TRPC7: variants seen among roughly 807,000 people sequenced by gnomAD.
TRPC7 encodes the protein short transient receptor potential channel 7.
TRPC7 carries 42 observed loss-of-function variants against 90.1 expected under a neutral mutation model. The observed-to-expected ratio is 0.47, with a 90% CI of 0.36 to 0.60. The LOEUF (loss-of-function observed/expected upper bound fraction) is 0.60, where lower values mean the gene tolerates loss of function less well. Among genes scored for constraint, TRPC7 ranks in the 20% least tolerant of loss-of-function variants. The pLI is 0.00. For synonymous variants in TRPC7, 451 were observed against 436.3 expected (o/e 1.03, Z -0.42); for missense variants, 955 against 1,112.3 (o/e 0.86, Z 2.01).
intron 4 of TRPC7, among the ~76,000 whole-genome samples, chr5:136,266,782 T>C (rs1757046954): frequency 6.6e-6 from 1 of 152,212 alleles, no homozygotes; most frequent in Non-Finnish European, 1.5e-5. Context: ...TTTTAAAAAA[T>C]GCACTTTGAG....
chr5:136,308,048 C>A (rs1252340920), intron 3 of TRPC7, among the ~76,000 whole-genome samples: 2 of 152,192 alleles, frequency 1.3e-5, no homozygotes, highest in African/African-American at 4.8e-5. Flanking sequence ...CACAGTCGGG[C>A]TCCTGGACAC....
chr5:136,305,653 C>A (rs909220273), intron 3 of TRPC7, among the ~76,000 whole-genome samples: 11 of 152,182 alleles, frequency 7.2e-5, no homozygotes, highest in Admixed American at 1.3e-4. Flanking sequence ...GCAGTCATTT[C>A]TTCCCTTCTG....
intron 7 of TRPC7, among the ~76,000 whole-genome samples, chr5:136,237,494 T>C (rs1031361349): frequency 3.3e-5 from 5 of 152,190 alleles, no homozygotes; most frequent in African/African-American, 9.7e-5. Context: ...CCCTAATGCA[T>C]GTTTTGACTT....
chr5:136,230,704 A>G (rs115165049), intron 8 of TRPC7, among the ~76,000 whole-genome samples: 2,181 of 152,222 alleles, frequency 0.014, 42 homozygotes, highest in African/African-American at 0.043. Context: ...TGCCTTTTAG[A>G]TTTTGATAAA....
chr5:136,267,999 T>A (rs1757090568), intron 4 of TRPC7, among the ~76,000 whole-genome samples: 1 of 152,228 alleles, frequency 6.6e-6, no homozygotes, highest in Non-Finnish European at 1.5e-5. Flanking sequence ...TGCAGTGGCA[T>A]TCTATAGGGC....
At chr5:136,237,560 G>A (rs1384505890) in intron 7 of TRPC7, among the ~76,000 whole-genome samples, 1 of 152,198 alleles carries the variant, frequency 6.6e-6, no homozygotes, top group Non-Finnish European at 1.5e-5. Flanking sequence ...CAATCGAGGT[G>A]CAAGTTCTGA....
chr5:136,244,008 A>G (rs1209724672), intron 7 of TRPC7, among the ~76,000 whole-genome samples: 3 of 151,626 alleles, frequency 2.0e-5, no homozygotes, highest in Non-Finnish European at 4.4e-5. Context: ...ACTCTTCCTA[A>G]TCCCAAAGAC....
chr5:136,357,741 A>G (rs984164230), intron 1 of TRPC7, among the ~76,000 whole-genome samples: 1 of 152,172 alleles, frequency 6.6e-6, no homozygotes, highest in African/African-American at 2.4e-5. Flanking sequence ...TTCCGTTTAT[A>G]TAAAGTCGAG....
In TRPC7 at chr5:136,307,734, C is replaced by T. The variant is rs574841418; in HGVS notation, c.963+7863G>A. On this transcript the variant is annotated intron_variant, in intron 3 of 11. Transcript: ENST00000513104. Reference sequence around the variant, plus strand: ...ATGCTGCTAAACAGCCTATAATGCACGGGGGAGTCCTCACAGCAAGGAACT... The same window carrying T: ...ATGCTGCTAAACAGCCTATAATGCATGGGGGAGTCCTCACAGCAAGGAACT... 1.1e-4 allele frequency among the ~76,000 whole-genome samples: 17 copies of T among 152,194 alleles called. No homozygotes were observed. In the South Asian group the frequency reaches 1.7e-3, roughly 15 times the overall value.
At position 136,357,074 on chromosome 5, in the gene TRPC7, C is replaced by T. The variant is rs752304356; in HGVS notation, c.314G>A (p.Arg105Gln). Residue 105 changes from arginine to glutamine, a missense_variant, in exon 2 of 12, where the codon CGG becomes CAG. Arg to Gln is a conservative substitution (Grantham distance 43). This residue lies in a region of TRPC7 where 161 missense variants were observed against 145.7 expected (regional missense o/e 1.10). Coordinates refer to ENST00000513104, the MANE Select transcript of TRPC7 (RefSeq NM_020389.3). Reference sequence around the variant, plus strand: ...GGCCAGCAGCAGCGCGTCCCCCACCCGTGCCAGGTTCTCCTTCTTCAGCAG... The same window carrying T: ...GGCCAGCAGCAGCGCGTCCCCCACCTGTGCCAGGTTCTCCTTCTTCAGCAG... ...ELLLKKENLA[R>Q]VGDALLLAIS... 2.5e-6 allele frequency: 4 copies of T among 1,613,802 alleles called. No homozygotes were observed. The highest frequency in any genetic ancestry group is 1.7e-5 in the Admixed American group (1 of 60,010).
At chr5:136,335,600 C>T (rs956790885) in intron 2 of TRPC7, among the ~76,000 whole-genome samples, 5 of 151,860 alleles carry the variant, frequency 3.3e-5, no homozygotes, top group African/African-American at 1.2e-4. Flanking sequence ...ACCATCATTC[C>T]CTTCATTAAA....
intron 3 of TRPC7, among the ~76,000 whole-genome samples, chr5:136,287,423 G>A (rs1251229469): frequency 1.3e-5 from 2 of 151,860 alleles, no homozygotes; most frequent in East Asian, 1.9e-4. Context: ...AATGTCTTCC[G>A]TGGGGTGGCA....
intron 3 of TRPC7, among the ~76,000 whole-genome samples, chr5:136,303,057 G>A (rs1315248075): frequency 2.0e-5 from 3 of 152,008 alleles, no homozygotes; most frequent in Admixed American, 6.6e-5. Flanking sequence ...CCTCACACCC[G>A]GTCTGGCTTA....
rs1759239963 is a variant in TRPC7 at position 136,322,878 on chromosome 5, C to CT, written c.781-7100dup. ...TCTTTATATATTCAGGATACAATTC[C>CT]TTTTTAAGAGATAGGATTTGTAAAT... is the stretch of plus-strand genomic sequence containing the variant. On this transcript the variant is annotated intron_variant, in intron 2 of 11. Coordinates refer to ENST00000513104, the MANE Select transcript of TRPC7 (RefSeq NM_020389.3). Among the ~76,000 whole-genome samples the CT allele has an allele frequency of 2.0e-5, 3 of 152,180 alleles. No individual in the cohort carries two copies. In the South Asian group the frequency reaches 6.2e-4, roughly 32 times the overall value.
intron 3 of TRPC7, among the ~76,000 whole-genome samples, chr5:136,280,014 G>A (rs371419078): frequency 6.6e-5 from 10 of 152,084 alleles, no homozygotes; most frequent in African/African-American, 2.2e-4. Flanking sequence ...ACAAAAATTA[G>A]CTGGGCATGG....
intron 3 of TRPC7, among the ~76,000 whole-genome samples, chr5:136,313,372 TGTCTGTC>T (rs1160580904): frequency 3.4e-5 from 2 of 59,098 alleles, no homozygotes; most frequent in African/African-American, 1.3e-4. Context: ...CCTCAGGAGA[TGTCTGTC>T]TATCTATCTA....
intron 3 of TRPC7, among the ~76,000 whole-genome samples, chr5:136,288,330 A>G (rs1714645539): frequency 6.6e-6 from 1 of 152,168 alleles, no homozygotes; most frequent in African/African-American, 2.4e-5. Flanking sequence ...ATACACATGT[A>G]TATAGATTAT....
intron 2 of TRPC7, among the ~76,000 whole-genome samples, chr5:136,341,472 T>A (rs1759844939): frequency 1.1e-5 from 1 of 89,124 alleles, no homozygotes; most frequent in Non-Finnish European, 2.4e-5. Context: ...TATACATATA[T>A]ATACACACAC....
At chr5:136,234,287 T>C (rs1483940398) in intron 7 of TRPC7, among the ~76,000 whole-genome samples, 2 of 152,072 alleles carry the variant, frequency 1.3e-5, no homozygotes, top group South Asian at 2.1e-4. Context: ...GACGGGGTCT[T>C]AGACAAACTA....
Sources: gnomAD v4.1 joint callset for allele counts (sites outside exome capture counted in the v4.1 genomes callset) on GRCh38, gnomAD v4.1.1 for gene constraint, gnomAD v4.1.1 regional missense constraint, MANE v1.5 for transcripts, NCBI Gene and HGNC (gene_info 2026-07-23, HGNC 2026-07-21) for gene names.